SLC29A3: variants seen among roughly 807,000 people sequenced by gnomAD.
SLC29A3 encodes solute carrier family 29 member 3.
A neutral mutation model predicts 25.4 loss-of-function variants in SLC29A3; 18 were observed. The observed-to-expected ratio is 0.71, with a 90% CI of 0.49 to 1.05. The LOEUF is 1.05. Among genes scored for constraint, SLC29A3 ranks in the 50% least tolerant of loss-of-function variants. The pLI is 0.00. For missense variants in SLC29A3, 586 were observed against 609.0 expected (o/e 0.96, Z 0.40); for synonymous variants, 258 against 267.1 (o/e 0.97, Z 0.33).
chr10:71,345,254 A>G (rs1846536369), intron 3 of SLC29A3, among the ~76,000 whole-genome samples: 1 of 152,210 alleles, frequency 6.6e-6, no homozygotes, highest in African/African-American at 2.4e-5. Flanking sequence ...AATACAAGTC[A>G]TGAGTACTTC....
Position 71,344,292 on chromosome 10 carries a change from G to T in SLC29A3, c.383+1G>T. The T allele has an allele frequency of 6.2e-7, 1 of 1,612,816 alleles. No homozygotes were observed. Among genetic ancestry groups the T allele is most frequent in the Non-Finnish European group, 8.5e-7 (1 of 1,178,968 alleles). On this transcript the variant is annotated splice_donor_variant, in intron 3 of 5. Transcript: ENST00000373189. LOFTEE classifies it high-confidence loss of function. The stretch of plus-strand genomic sequence containing the variant: ...TGGCCAACTTCCTGCTTGTCAACAG[G>T]TAGGCGACTCTCTTCCCTCTCTCAG...
chr10:71,357,777 T>C (rs750376835), intron 5 of SLC29A3, among the ~76,000 whole-genome samples: 1 of 152,208 alleles, frequency 6.6e-6, no homozygotes, highest in Non-Finnish European at 1.5e-5. Context: ...AAACAACGCT[T>C]GTCTTTCTCT....
chr10:71,351,599 G>A lies in SLC29A3; in HGVS notation c.421G>A (p.Val141Ile). ...CATCCGTGTCCTGGCCTCACTGACG[G>A]TCATCCTGGCCATCTTCATGGTGAT... The part of the protein sequence containing the change: ...VHIRVLASLT[V>I]ILAIFMVITA... The change falls in exon 4 of 6, where the codon GTC (valine) becomes ATC (isoleucine). Residue 141 changes from valine (V) to isoleucine (I), a missense_variant. Coordinates refer to ENST00000373189, the MANE Select transcript of SLC29A3 (RefSeq NM_018344.6). 6.2e-7 allele frequency: 1 copy of A among 1,614,252 alleles called. No individual in the cohort carries two copies. Among genetic ancestry groups the A allele is most frequent in the Non-Finnish European group, 8.5e-7 (1 of 1,180,054 alleles).
At chr10:71,353,849 G>GT (rs1846826785) in intron 4 of SLC29A3, among the ~76,000 whole-genome samples, 1 of 152,132 alleles carries the variant, frequency 6.6e-6, no homozygotes, top group African/African-American at 2.4e-5. Context: ...TGAGATAAAA[G>GT]TGGAGAGTCA....
At chr10:71,333,175 A>C (rs548210415) in intron 2 of SLC29A3, among the ~76,000 whole-genome samples, 1 of 152,338 alleles carries the variant, frequency 6.6e-6, no homozygotes, top group African/African-American at 2.4e-5. Flanking sequence ...CTTTTGACAC[A>C]GGCAGGCAGC....
intron 2 of SLC29A3, among the ~76,000 whole-genome samples, chr10:71,329,705 G>T (rs953704164): frequency 6.6e-6 from 1 of 152,130 alleles, no homozygotes; most frequent in Non-Finnish European, 1.5e-5. Flanking sequence ...TTCAGACTTG[G>T]CAACATAGTG....
At position 71,351,708 on chromosome 10, in the gene SLC29A3, G is replaced by A. The variant is rs1013295413; in HGVS notation, c.530G>A (p.Gly177Asp). ...ATTGTCTGCATGGTGATCCTCAGCGGTGCCTCCACTGTCTTCAGCAGCAGC... is the reference window on the plus strand; with the variant it reads ...ATTGTCTGCATGGTGATCCTCAGCGATGCCTCCACTGTCTTCAGCAGCAGC... ...VTIVCMVILS[G>D]ASTVFSSSIY... is the part of the protein sequence containing the mutation. The change falls in exon 4 of 6, where the codon GGT becomes GAT. Residue 177 changes from glycine (G) to aspartate (D), a missense_variant. Transcript: ENST00000373189. 5 of 1,614,068 alleles carry A rather than the reference G, an allele frequency of 3.1e-6. No homozygotes were observed. The African/African-American group carries it at 6.7e-5, about 22-fold the overall frequency.
chr10:71,378,986 A>T (rs1847281702), intron 4 of SLC29A3, among the ~76,000 whole-genome samples: 1 of 152,220 alleles, frequency 6.6e-6, no homozygotes, highest in Non-Finnish European at 1.5e-5. Context: ...CCCAGTGAGG[A>T]GGAGGACGAT....
chr10:71,353,495 A>C (rs780673), intron 4 of SLC29A3, among the ~76,000 whole-genome samples: 135,768 of 152,070 alleles, frequency 0.89, 61,116 homozygotes, highest in African/African-American at 0.93. Context: ...TCCTCGGGTT[A>C]ATCTGTCCAC....
intron 2 of SLC29A3, among the ~76,000 whole-genome samples, chr10:71,323,810 G>A (rs996085771): frequency 2.0e-5 from 3 of 152,194 alleles, no homozygotes. Flanking sequence ...AAACGATCCA[G>A]GTAGAAGAAA....
chr10:71,361,835 T>A, intron 5 of SLC29A3, 119 bp from the exon 6 acceptor site: 1 of 1,209,996 alleles, frequency 8.3e-7, no homozygotes, highest in Non-Finnish European at 1.2e-6. Context: ...GCTGTGGGCA[T>A]ACGGGGCTTG....
chr10:71,360,660 T>G (rs1847032306), intron 5 of SLC29A3, among the ~76,000 whole-genome samples: 1 of 152,226 alleles, frequency 6.6e-6, no homozygotes, highest in African/African-American at 2.4e-5. Context: ...TATAAACCTT[T>G]TAATCCAGTA....
intron 2 of SLC29A3, 132 bp downstream of exon 2, chr10:71,323,186 T>C (rs76709689): frequency 5.7e-6 from 7 of 1,219,080 alleles, no homozygotes; most frequent in South Asian, 5.2e-5. Flanking sequence ...GGGAAGAAGA[T>C]GCAAATTATG....
intron 2 of SLC29A3, among the ~76,000 whole-genome samples, chr10:71,329,460 A>G (rs1292639663): frequency 6.6e-6 from 1 of 151,142 alleles, no homozygotes; most frequent in Admixed American, 6.6e-5. Flanking sequence ...TCTGTCTCAA[A>G]AAAAAAAAAA....
In SLC29A3 at chr10:71,320,339, T is replaced by C. The variant is rs116921515; in HGVS notation, c.1+1029T>C. On this transcript the variant is annotated intron_variant, in intron 1 of 5. Transcript: ENST00000373189. ...ACACTAATTTTTAAAATGTAACAAG[T>C]GAGCTTGTTACATTTGTACCATTTT... is the stretch of plus-strand genomic sequence containing the variant. Among the ~76,000 whole-genome samples the C allele has an allele frequency of 3.0e-3, 453 of 152,300 alleles. 3 individuals are homozygous for C. The highest frequency in any genetic ancestry group is 6.8e-3 in the Middle Eastern group (2 of 294).
intron 2 of SLC29A3, among the ~76,000 whole-genome samples, chr10:71,334,920 T>TC (rs1411074397): frequency 7.0e-6 from 1 of 143,686 alleles, no homozygotes; most frequent in African/African-American, 2.9e-5. Context: ...ATTTGCAGTC[T>TC]TTTTTCCCCC....
intron 2 of SLC29A3, among the ~76,000 whole-genome samples, chr10:71,323,834 G>A (rs1845907968): frequency 6.6e-6 from 1 of 152,260 alleles, no homozygotes; most frequent in Non-Finnish European, 1.5e-5. Flanking sequence ...GCTGGGCAAC[G>A]GCAGAATGGG....
downstream of SLC29A3, among the ~76,000 whole-genome samples, chr10:71,367,853 G>A (rs953072514): frequency 4.6e-5 from 7 of 152,224 alleles, no homozygotes; most frequent in Admixed American, 3.3e-4. Flanking sequence ...CACTCAGACC[G>A]AGGTTGGAAT....
rs764990548 is a variant in SLC29A3 at position 71,362,066 on chromosome 10, C to A, written c.886C>A (p.Pro296Thr). ...CTCCAGATTCATTGATTCCCACACACCCCCTCTCCGCCCCATCCTGAAGAA... is the reference window on the plus strand; with the variant it reads ...CTCCAGATTCATTGATTCCCACACAACCCCTCTCCGCCCCATCCTGAAGAA... ...VASRFIDSHT[P>T]PLRPILKKTA... Residue 296 changes from proline (P) to threonine (T), a missense_variant, in exon 6 of 6, where the codon CCC becomes ACC. By Grantham distance (38) the Pro-to-Thr change is conservative. Coordinates refer to ENST00000373189, the MANE Select transcript of SLC29A3 (RefSeq NM_018344.6). The A allele has an allele frequency of 3.1e-6, 5 of 1,614,154 alleles. No homozygotes were observed. In the Admixed American group the frequency reaches 5.0e-5, roughly 16 times the overall value.
Sources: allele counts gnomAD v4.1 joint callset (sites outside exome capture counted in the v4.1 genomes callset), GRCh38; gene constraint gnomAD v4.1.1; transcripts MANE v1.5; gene names NCBI Gene and HGNC (gene_info 2026-07-23, HGNC 2026-07-21).